DLGAP2: variants seen among roughly 807,000 people sequenced by gnomAD.
DLGAP2 encodes the protein disks large-associated protein 2.
In DLGAP2, 26 loss-of-function variants were observed where a neutral mutation model predicts 100.3. The ratio of observed to expected loss-of-function variants is 0.26; its 90% confidence interval spans 0.19 to 0.36. DLGAP2 has a LOEUF of 0.36. Among genes scored for constraint, DLGAP2 ranks in the 10% least tolerant of loss-of-function variants. The probability of loss-of-function intolerance (pLI) is 1.00; values close to 1 mark genes in which losing one functional copy is unlikely to be tolerated. For missense variants in DLGAP2, 1,858 were observed against 1,453.2 expected (o/e 1.28, Z -4.53); for synonymous variants, 886 against 630.1 (o/e 1.41, Z -6.08).
At chr8:1,547,941 C>G (rs1034792680) in intron 4 of DLGAP2, among the ~76,000 whole-genome samples, 3 of 152,198 alleles carry the variant, frequency 2.0e-5, no homozygotes, top group Non-Finnish European at 4.4e-5. Flanking sequence ...GACAATATCA[C>G]CCATCAAGTA....
intron 2 of DLGAP2, among the ~76,000 whole-genome samples, chr8:1,083,957 T>G (rs1032175632): frequency 1.1e-4 from 16 of 152,248 alleles, no homozygotes; most frequent in African/African-American, 3.4e-4. Flanking sequence ...GCATTTTATT[T>G]TATATAAATT....
intron 1 of DLGAP2, among the ~76,000 whole-genome samples, chr8:770,845 A>C (rs1821337379): frequency 6.6e-6 from 1 of 150,854 alleles, no homozygotes; most frequent in Non-Finnish European, 1.5e-5. Context: ...TAACTCATAA[A>C]CCTAATTTTG....
rs565613882 is a variant in DLGAP2 at position 1,565,081 on chromosome 8, C to A, written c.1231-602C>A. On this transcript the variant is annotated intron_variant, in intron 5 of 14. Coordinates refer to ENST00000637795, the MANE Select transcript of DLGAP2 (RefSeq NM_001346810.2). ...GTACCACCCAGATATATAACATGAGCGGGTGCTGAGTTCTGTAACAGGCAG... is the reference window on the plus strand; with the variant it reads ...GTACCACCCAGATATATAACATGAGAGGGTGCTGAGTTCTGTAACAGGCAG... Among the ~76,000 whole-genome samples the A allele has an allele frequency of 3.8e-4, 58 of 152,156 alleles. 1 individual carries two copies. The South Asian group carries it at 0.011, about 28-fold the overall frequency.
intron 2 of DLGAP2, among the ~76,000 whole-genome samples, chr8:1,043,795 T>C (rs1802440273): frequency 6.6e-6 from 1 of 152,002 alleles, no homozygotes; most frequent in Admixed American, 6.5e-5. Flanking sequence ...TGTTTTGGGC[T>C]CTCAGGGGTG....
intron 3 of DLGAP2, among the ~76,000 whole-genome samples, chr8:1,274,921 C>T (rs2116936245): frequency 6.6e-6 from 1 of 152,200 alleles, no homozygotes; most frequent in African/African-American, 2.4e-5. Flanking sequence ...CTCTCCTAAT[C>T]CAGTGCTAGG....
At chr8:1,222,974 T>G (rs1798345595) in intron 2 of DLGAP2, among the ~76,000 whole-genome samples, 1 of 152,058 alleles carries the variant, frequency 6.6e-6, no homozygotes, top group Non-Finnish European at 1.5e-5. Context: ...GGGGGACGGG[T>G]GCCCATGGCT....
chr8:1,416,342 G>C (rs894322330), intron 3 of DLGAP2, among the ~76,000 whole-genome samples: 1 of 152,200 alleles, frequency 6.6e-6, no homozygotes, highest in Non-Finnish European at 1.5e-5. Flanking sequence ...GTCCGCCTTC[G>C]TATTTCAGAC....
intron 3 of DLGAP2, among the ~76,000 whole-genome samples, chr8:1,415,082 G>C (rs551174945): frequency 1.3e-5 from 2 of 152,308 alleles, no homozygotes; most frequent in Non-Finnish European, 2.9e-5. Flanking sequence ...TTTGGCTGTG[G>C]TGCACATGCA....
At chr8:774,381 T>G (rs916712889) in intron 1 of DLGAP2, among the ~76,000 whole-genome samples, 5 of 152,368 alleles carry the variant, frequency 3.3e-5, no homozygotes, top group East Asian at 1.9e-4. Flanking sequence ...TTTTGGCTTT[T>G]GTTGCCATTG....
At chr8:958,236 C>G (rs1018147201) in intron 2 of DLGAP2, among the ~76,000 whole-genome samples, 1 of 152,122 alleles carries the variant, frequency 6.6e-6, no homozygotes, top group Non-Finnish European at 1.5e-5. Context: ...TATGTCTGAA[C>G]AGTAATCCAT....
chr8:1,001,152 T>C (rs1800944640), intron 2 of DLGAP2, among the ~76,000 whole-genome samples: 1 of 152,236 alleles, frequency 6.6e-6, no homozygotes, highest in Admixed American at 6.5e-5. Context: ...TGCCCCTTTT[T>C]CTTGTATGCT....
chr8:768,250 G>A (rs1217826647), intron 1 of DLGAP2, among the ~76,000 whole-genome samples: 1 of 152,092 alleles, frequency 6.6e-6, no homozygotes, highest in Non-Finnish European at 1.5e-5. Context: ...GCTGAGCCCT[G>A]CCTTTTGTTA....
chr8:794,438 C>G (rs1172349841), intron 1 of DLGAP2, among the ~76,000 whole-genome samples: 1 of 152,150 alleles, frequency 6.6e-6, no homozygotes, highest in African/African-American at 2.4e-5. Flanking sequence ...GCAAACCAGT[C>G]ATTAGCATTG....
intron 4 of DLGAP2, among the ~76,000 whole-genome samples, chr8:1,538,814 A>G (rs1044830460): frequency 2.6e-5 from 4 of 151,822 alleles, no homozygotes; most frequent in Non-Finnish European, 5.9e-5. Flanking sequence ...ATGTGTGTGA[A>G]TCATCAGCAC....
intron 3 of DLGAP2, among the ~76,000 whole-genome samples, chr8:1,353,897 A>T (rs377685767): frequency 4.6e-5 from 7 of 152,384 alleles, no homozygotes; most frequent in Admixed American, 3.9e-4. Context: ...GGGGAAAAAA[A>T]TCAGCGAAGG....
intron 1 of DLGAP2, among the ~76,000 whole-genome samples, chr8:854,015 G>C (rs1470459081): frequency 6.6e-6 from 1 of 152,196 alleles, no homozygotes; most frequent in Non-Finnish European, 1.5e-5. Context: ...GACACAGTGA[G>C]AAGGCGCTGT....
chr8:969,363 C>G (rs988295770), intron 2 of DLGAP2, among the ~76,000 whole-genome samples: 1 of 152,072 alleles, frequency 6.6e-6, no homozygotes, highest in Non-Finnish European at 1.5e-5. Flanking sequence ...GCGAGTGAGC[C>G]AATCCCTTGA....
At position 1,422,626 on chromosome 8, in the gene DLGAP2, C is replaced by T. The variant is rs145159220; in HGVS notation, c.107-78740C>T. Among the ~76,000 whole-genome samples the T allele has an allele frequency of 2.8e-3, 421 of 150,948 alleles. 5 individuals are homozygous for T. Among genetic ancestry groups the T allele is most frequent in the African/African-American group, 9.8e-3 (401 of 41,078 alleles). The stretch of plus-strand genomic sequence containing the variant: ...GGATGCATCTTGAGAAGCCGACTCA[C>T]GGTTATCAGCAAAGGCTGGAGGGCA... On this transcript the variant is annotated intron_variant, in intron 3 of 14. Transcript: ENST00000637795.
chr8:1,301,630 G>A (rs1800343210), intron 3 of DLGAP2: 1 of 152,302 alleles, frequency 6.6e-6, no homozygotes, highest in South Asian at 2.1e-4. Flanking sequence ...GAGGGTAGAG[G>A]ATAAGGAAGG....
Sources: allele counts gnomAD v4.1 joint callset (sites outside exome capture counted in the v4.1 genomes callset), GRCh38; gene constraint gnomAD v4.1.1; transcripts MANE v1.5; gene names NCBI Gene and HGNC (gene_info 2026-07-23, HGNC 2026-07-21).